Variants in MCU observed in about 807,000 individuals in gnomAD.
The protein encoded by MCU is calcium uniporter protein, mitochondrial.
MCU carries 12 observed loss-of-function variants against 45.2 expected under a neutral mutation model. The observed-to-expected ratio is 0.27, with a 90% confidence interval of 0.17 to 0.43. The LOEUF (loss-of-function observed/expected upper bound fraction) is 0.43. MCU is among the 20% of genes least tolerant of loss of function. MCU has a pLI of 1.00. For missense variants in MCU, 324 were observed against 436.7 expected, an observed-to-expected ratio of 0.74 and a Z score of 2.30; for synonymous variants, 160 against 165.1, an observed-to-expected ratio of 0.97 and a Z score of 0.24.
intron 1 of MCU, among the ~76,000 whole-genome samples, chr10:72,777,959 A>G (rs946164711): frequency 2.0e-4 from 31 of 152,218 alleles, no homozygotes; most frequent in African/African-American, 7.0e-4. Flanking sequence ...GAGAAATGCA[A>G]ATCAAAACCA....
At chr10:72,829,540 A>T in intron 1 of MCU, among the ~76,000 whole-genome samples, 1 of 151,604 alleles carries the variant, frequency 6.6e-6, no homozygotes. Flanking sequence ...TTCTTTTTTA[A>T]CTTCTTGATA....
Position 72,698,236 on chromosome 10 carries a change from C to T in MCU, c.150+5935C>T, listed in dbSNP as rs149188989. ...TAACATGAAATCTAAATAGAAAATA[C>T]AGCATCAAGAGTGGTTTAAGTCAAA... On this transcript the variant is annotated intron_variant, in intron 1 of 7. Coordinates refer to ENST00000373053, the MANE Select transcript of MCU (RefSeq NM_138357.3). 9.9e-5 allele frequency among the ~76,000 whole-genome samples: 15 copies of T among 151,978 alleles called. No homozygotes were observed. The East Asian group carries it at 2.9e-3, about 30-fold the overall frequency.
chr10:72,773,031 C>G (rs562159716), intron 1 of MCU, among the ~76,000 whole-genome samples: 1 of 152,126 alleles, frequency 6.6e-6, no homozygotes, highest in South Asian at 2.1e-4. Context: ...CCTTAGTAGG[C>G]GGGACTACAG....
intron 2 of MCU, among the ~76,000 whole-genome samples, chr10:72,838,444 T>C (rs924733815): frequency 1.3e-5 from 2 of 151,974 alleles, no homozygotes; most frequent in African/African-American, 4.8e-5. Flanking sequence ...ACCTCATCTC[T>C]ACTAAAAAAT....
chr10:72,741,139 C>A (rs1843325487), intron 1 of MCU, among the ~76,000 whole-genome samples: 1 of 149,994 alleles, frequency 6.7e-6, no homozygotes, highest in South Asian at 2.1e-4. Flanking sequence ...TCACTCTGTC[C>A]CCCAGCCTGG....
chr10:72,849,829 T>C (rs1845179934), intron 2 of MCU, among the ~76,000 whole-genome samples: 1 of 152,194 alleles, frequency 6.6e-6, no homozygotes, highest in Admixed American at 6.5e-5. Context: ...ATGTCATGTG[T>C]GACCTAGAAG....
chr10:72,749,112 TG>T (rs1843457729), intron 1 of MCU, among the ~76,000 whole-genome samples: 1 of 150,628 alleles, frequency 6.6e-6, no homozygotes, highest in African/African-American at 2.4e-5. Flanking sequence ...TCCCAATAAT[TG>T]AAAAAAAAAA....
At chr10:72,706,488 G>A (rs1842821335) in intron 1 of MCU, among the ~76,000 whole-genome samples, 1 of 149,030 alleles carries the variant, frequency 6.7e-6, no homozygotes, top group African/African-American at 2.6e-5. Context: ...AAAAGTGTCG[G>A]TATTTATTTC....
intron 2 of MCU, among the ~76,000 whole-genome samples, chr10:72,835,545 A>G (rs1844944300): frequency 6.6e-6 from 1 of 152,196 alleles, no homozygotes; most frequent in Non-Finnish European, 1.5e-5. Flanking sequence ...AATCCCCAAC[A>G]TTTAGTCAGT....
chr10:72,853,036 A>T (rs1845230806), intron 2 of MCU, among the ~76,000 whole-genome samples: 1 of 152,210 alleles, frequency 6.6e-6, no homozygotes. Context: ...TGAAGTCTTG[A>T]AAGGGCCAAA....
chr10:72,804,583 A>G (rs1290514879), intron 1 of MCU, among the ~76,000 whole-genome samples: 1 of 152,184 alleles, frequency 6.6e-6, no homozygotes, highest in Non-Finnish European at 1.5e-5. Context: ...AACCTAATTC[A>G]GCCTTTTTCC....
chr10:72,750,296 G>A (rs1843476143), intron 1 of MCU, among the ~76,000 whole-genome samples: 1 of 152,184 alleles, frequency 6.6e-6, no homozygotes, highest in African/African-American at 2.4e-5. Context: ...ATATCTGCAA[G>A]AAGGTTTTAC....
intron 6 of MCU, 146 bp downstream of exon 6, chr10:72,871,726 GGCA>G: frequency 3.0e-6 from 2 of 670,170 alleles, no homozygotes; most frequent in East Asian, 5.4e-5. Flanking sequence ...TTGTGTATTA[GGCA>G]ATATTCTAAG....
At chr10:72,769,115 G>A (rs1425265793) in intron 1 of MCU, among the ~76,000 whole-genome samples, 1 of 152,050 alleles carries the variant, frequency 6.6e-6, no homozygotes, top group Non-Finnish European at 1.5e-5. Flanking sequence ...CAAAGCACTG[G>A]CATTACAGGT....
rs115723906 is a variant in MCU, at chr10:72,765,430, A to C, written c.151-68929A>C. Among the ~76,000 whole-genome samples the C allele has an allele frequency of 2.0e-3, 310 of 152,202 alleles. 1 individual carries two copies. The highest frequency in any genetic ancestry group is 6.7e-3 in the African/African-American group (278 of 41,524). On this transcript the variant is annotated intron_variant, in intron 1 of 7. Transcript: ENST00000373053. ...TTCCTAGGTCATGTTTTATATTTCA[A>C]AGATTATTATTTTAATAATCTGTAG...
At chr10:72,772,981 C>T (rs1423576323) in intron 1 of MCU, among the ~76,000 whole-genome samples, 1 of 152,132 alleles carries the variant, frequency 6.6e-6, no homozygotes, top group Non-Finnish European at 1.5e-5. Flanking sequence ...TCACTGTAGC[C>T]TCAACCTCCC....
intron 1 of MCU, among the ~76,000 whole-genome samples, chr10:72,787,963 C>T (rs369903565): frequency 1.4e-4 from 21 of 152,172 alleles, no homozygotes; most frequent in Non-Finnish European, 2.2e-4. Context: ...GTGATCCATC[C>T]GCCTCGGCCT....
At chr10:72,875,187 T>C (rs1447775281) in intron 6 of MCU, among the ~76,000 whole-genome samples, 1 of 152,180 alleles carries the variant, frequency 6.6e-6, no homozygotes, top group Non-Finnish European at 1.5e-5. Flanking sequence ...TTCCACTCAA[T>C]TATGCTGCCT....
At chr10:72,806,440 G>T (rs995329505) in intron 1 of MCU, among the ~76,000 whole-genome samples, 2 of 152,154 alleles carry the variant, frequency 1.3e-5, no homozygotes, top group East Asian at 3.9e-4. Context: ...AATTACAGGC[G>T]TGAGCCACCG....
Sources: allele counts gnomAD v4.1 joint callset (sites outside exome capture counted in the v4.1 genomes callset), GRCh38; gene constraint gnomAD v4.1.1; transcripts MANE v1.5; gene names NCBI Gene and HGNC (gene_info 2026-07-23, HGNC 2026-07-21).